SPDYA: variants seen among roughly 807,000 people sequenced by gnomAD.
The protein encoded by SPDYA is speedy protein A.
A neutral mutation model predicts 36.7 loss-of-function variants in SPDYA; 11 were observed. That is an observed-to-expected ratio of 0.30 (90% CI 0.19 to 0.50). The LOEUF (loss-of-function observed/expected upper bound fraction) is 0.50. Ranked by LOEUF, SPDYA falls within the 20% of genes least tolerant of loss-of-function variation. The pLI, the probability that SPDYA is intolerant of heterozygous loss-of-function variation, is 0.98. For synonymous variants in SPDYA, 115 were observed against 118.7 expected (o/e 0.97, Z 0.20); for missense variants, 287 against 370.9 (o/e 0.77, Z 1.86).
chr2:28,844,673 T>A (rs1668827591), intron 7 of SPDYA, among the ~76,000 whole-genome samples: 1 of 152,006 alleles, frequency 6.6e-6, no homozygotes, highest in South Asian at 2.1e-4. Context: ...GTGGCTCACA[T>A]CTGTAATCCC....
At chr2:28,835,226 C>CT (rs374378628) in intron 6 of SPDYA, among the ~76,000 whole-genome samples, 13,519 of 138,150 alleles carry the variant, frequency 0.098, 861 homozygotes, top group Middle Eastern at 0.18. Context: ...AGTGCCTGAC[C>CT]TTTTTTTTTT....
Position 28,822,208 on chromosome 2 carries a change from A to C in SPDYA, c.295-117A>C, listed in dbSNP as rs538116229. 3.4e-5 allele frequency: 16 copies of C among 471,698 alleles called. No individual in the cohort carries two copies. In the South Asian group the frequency reaches 5.6e-4, roughly 16 times the overall value. The allele number at this position is 471,698 out of a possible 1,614,324, so 29.2% of individuals were successfully genotyped here. On this transcript the variant is annotated intron_variant, in intron 4 of 7. Transcript: ENST00000334056. Reference sequence around the variant, plus strand: ...AAATTAAGTACACAATTCTATAATAAGTAACACTTTATTGTTTTAGCTTAT... The same window carrying C: ...AAATTAAGTACACAATTCTATAATACGTAACACTTTATTGTTTTAGCTTAT...
At chr2:28,819,842 AAAAAAAAATATATATATATAT>A (rs1668095557) in intron 4 of SPDYA, among the ~76,000 whole-genome samples, 2 of 47,398 alleles carry the variant, frequency 4.2e-5, no homozygotes, top group Non-Finnish European at 3.7e-5. Context: ...AAAAAAAAAA[AAAAAAAAATATATATATATAT>A]ATATATATAT....
At chr2:28,818,924 C>T in intron 3 of SPDYA, 124 bp from the exon 4 acceptor site, 1 of 713,690 alleles carries the variant, frequency 1.4e-6, no homozygotes. Context: ...CCTTAGGCAA[C>T]ACTGGTTCAT....
chr2:28,831,941 G>A (rs1040220993), intron 6 of SPDYA, among the ~76,000 whole-genome samples: 10 of 152,170 alleles, frequency 6.6e-5, no homozygotes, highest in African/African-American at 2.4e-4. Flanking sequence ...TCACATTCCA[G>A]TAATTGTCCC....
At chr2:28,819,834 AAAAAAAAAAAAAAAAATATATATATATAT>A (rs1668088681) in intron 4 of SPDYA, among the ~76,000 whole-genome samples, 2 of 51,262 alleles carry the variant, frequency 3.9e-5, no homozygotes, top group East Asian at 5.3e-4. Context: ...AAAAAAAAAA[AAAAAAAAAAAAAAAAATATATATATATAT>A]ATATATATAT....
chr2:28,825,207 A>G (rs923364871), intron 5 of SPDYA, among the ~76,000 whole-genome samples: 2 of 152,042 alleles, frequency 1.3e-5, no homozygotes, highest in Non-Finnish European at 2.9e-5. Context: ...TCAGTATTGT[A>G]TTGTATCTAT....
chr2:28,814,012 C>T (rs1467865912), intron 1 of SPDYA, among the ~76,000 whole-genome samples: 3 of 152,128 alleles, frequency 2.0e-5, no homozygotes, highest in African/African-American at 2.4e-5. Flanking sequence ...GTTTATAACC[C>T]GCACCCCAAG....
intron 6 of SPDYA, among the ~76,000 whole-genome samples, chr2:28,838,916 T>G (rs1025927892): frequency 6.6e-6 from 1 of 152,262 alleles, no homozygotes; most frequent in Non-Finnish European, 1.5e-5. Flanking sequence ...TTAATAAGGC[T>G]CTGTCCAGCT....
chr2:28,812,653 T>TG (rs1293341737), intron 1 of SPDYA, among the ~76,000 whole-genome samples: 2 of 152,046 alleles, frequency 1.3e-5, no homozygotes, highest in East Asian at 3.9e-4. Flanking sequence ...GGTCAGGAGT[T>TG]GGAGACCAGC....
intron 3 of SPDYA, among the ~76,000 whole-genome samples, chr2:28,816,785 C>G (rs1320503688): frequency 6.6e-6 from 1 of 151,960 alleles, no homozygotes; most frequent in Admixed American, 6.6e-5. Flanking sequence ...GACAGTGCTA[C>G]TTTGCTGATA....
chr2:28,844,807 C>T (rs1454720492), intron 7 of SPDYA, among the ~76,000 whole-genome samples: 3 of 151,824 alleles, frequency 2.0e-5, no homozygotes, highest in African/African-American at 7.3e-5. Context: ...GGTGCGGGTG[C>T]CTGTAGTCCC....
chr2:28,813,397 T>C (rs1667900192), intron 1 of SPDYA, among the ~76,000 whole-genome samples: 1 of 152,178 alleles, frequency 6.6e-6, no homozygotes, highest in Non-Finnish European at 1.5e-5. Flanking sequence ...TCTTCTGGAA[T>C]ATGTGCCACA....
Position 28,824,708 on chromosome 2 carries a change from G to A in SPDYA, c.380+2298G>A, listed in dbSNP as rs572140758. Reference sequence around the variant, plus strand: ...ACTACAGGCGCATGCCACCACGCCCGGCTAATTTTTTTTTGTATTTTTAGT... The same window carrying A: ...ACTACAGGCGCATGCCACCACGCCCAGCTAATTTTTTTTTGTATTTTTAGT... On this transcript the variant is annotated intron_variant, in intron 5 of 7. Coordinates refer to ENST00000334056, the MANE Select transcript of SPDYA (RefSeq NM_182756.4). Among the ~76,000 whole-genome samples, 67 of 151,620 alleles carry A rather than the reference G, an allele frequency of 4.4e-4. No homozygotes were observed. In the East Asian group the frequency reaches 0.011, roughly 25 times the overall value.
intron 7 of SPDYA, 102 bp downstream of exon 7, chr2:28,840,571 C>A: frequency 1.4e-6 from 2 of 1,469,686 alleles, no homozygotes; most frequent in African/African-American, 2.9e-5. Flanking sequence ...TATACTCCAA[C>A]AATATGAGTT....
At chr2:28,826,831 G>T (rs184016346) in intron 5 of SPDYA, among the ~76,000 whole-genome samples, 87 of 150,664 alleles carry the variant, frequency 5.8e-4, no homozygotes, top group African/African-American at 2.0e-3. Context: ...GCCCAGGCTG[G>T]GTTTCGAACT....
At chr2:28,832,182 T>C (rs1400914636) in intron 6 of SPDYA, among the ~76,000 whole-genome samples, 1 of 152,196 alleles carries the variant, frequency 6.6e-6, no homozygotes, top group Non-Finnish European at 1.5e-5. Context: ...GTATTTTTCC[T>C]ATCATTCTGT....
chr2:28,844,724 A>G (rs892047148), intron 7 of SPDYA, among the ~76,000 whole-genome samples: 23 of 152,108 alleles, frequency 1.5e-4, no homozygotes, highest in African/African-American at 5.3e-4. Context: ...ACCTGAGGTC[A>G]GGAGTTCGAG....
At position 28,846,004 on chromosome 2, in the gene SPDYA, C is replaced by G. The variant is rs1363409538; in HGVS notation, c.851-3846C>G. On this transcript the variant is annotated intron_variant, in intron 7 of 7. Coordinates refer to ENST00000334056, the MANE Select transcript of SPDYA (RefSeq NM_182756.4). Reference sequence around the variant, plus strand: ...ATAGAAACTTCAGAAGTTCCCACTGCCTCTGAAAATATGAAGTTCAAAATG... The same window carrying G: ...ATAGAAACTTCAGAAGTTCCCACTGGCTCTGAAAATATGAAGTTCAAAATG... 2.6e-5 allele frequency among the ~76,000 whole-genome samples: 4 copies of G among 152,184 alleles called. No homozygotes were observed. The South Asian group carries it at 8.3e-4, about 32-fold the overall frequency.
Sources: allele counts gnomAD v4.1 joint callset (sites outside exome capture counted in the v4.1 genomes callset), GRCh38; gene constraint gnomAD v4.1.1; transcripts MANE v1.5; gene names NCBI Gene and HGNC (gene_info 2026-07-23, HGNC 2026-07-21).